AUTS2: variants seen among roughly 807,000 people sequenced by gnomAD.
AUTS2 encodes activator of transcription and developmental regulator AUTS2, also known as autism susceptibility gene 2 protein.
In AUTS2, 17 loss-of-function variants were observed where a neutral mutation model predicts 112.4. That is an observed-to-expected ratio of 0.15 (90% CI 0.10 to 0.23). The LOEUF (loss-of-function observed/expected upper bound fraction) is 0.23, where lower values mean the gene tolerates loss of function less well. Among genes scored for constraint, AUTS2 ranks in the 10% least tolerant of loss-of-function variants. The pLI, the probability that AUTS2 is intolerant of heterozygous loss-of-function variation, is 1.00. For missense variants in AUTS2, 1,510 were observed against 1,701.6 expected, an observed-to-expected ratio of 0.89 and a Z score of 1.98; for synonymous variants, 751 against 702.7, an observed-to-expected ratio of 1.07 and a Z score of -1.09.
chr7:70,043,690 A>T (rs771493661), intron 2 of AUTS2, among the ~76,000 whole-genome samples: 4 of 146,248 alleles, frequency 2.7e-5, no homozygotes, highest in African/African-American at 5.1e-5. Flanking sequence ...GCTTACCACA[A>T]CCTCCACCTC....
chr7:70,764,830 C>T lies in AUTS2; in HGVS notation c.1293C>T (p.Phe431=). The change falls in exon 8 of 19, where the codon TTC becomes TTT. Residue 431 remains phenylalanine, a synonymous_variant. Transcript: ENST00000342771. ...CCCACCACCCCTCTGCCTCCCCGTT[C>T]CCCCTCTCCCTGCCCAACCACAGCC... ...HISHHPSASP[F]PLSLPNHSPL... 1 of 515,996 alleles carries T rather than the reference C, an allele frequency of 1.9e-6. No homozygotes were observed. Among genetic ancestry groups the T allele is most frequent in the Non-Finnish European group, 3.4e-6 (1 of 291,370 alleles). The allele number at this position is 515,996 out of a possible 1,614,324, so 32.0% of individuals were successfully genotyped here.
rs1390354266 is a variant in AUTS2 at position 69,721,782 on chromosome 7, ATCT to A, written c.309+121824_309+121826del. ...TGTTCTGTGGTGGAGACAAGGAATG[ATCT>A]TCTAGGCTATCAAAGCAGGGTGAGT... On this transcript the variant is annotated intron_variant, in intron 1 of 18. Transcript: ENST00000342771. 2.0e-5 allele frequency among the ~76,000 whole-genome samples: 3 copies of A among 152,332 alleles called. No individual in the cohort carries two copies. In the East Asian group the frequency reaches 5.8e-4, roughly 29 times the overall value.
At chr7:70,461,408 C>T (rs1312282627) in intron 5 of AUTS2, among the ~76,000 whole-genome samples, 1 of 152,130 alleles carries the variant, frequency 6.6e-6, no homozygotes, top group African/African-American at 2.4e-5. Context: ...CAATTATGTA[C>T]CACTGTGAGC....
At chr7:70,411,970 A>G (rs1015430669) in intron 4 of AUTS2, among the ~76,000 whole-genome samples, 2 of 133,828 alleles carry the variant, frequency 1.5e-5, no homozygotes, top group Non-Finnish European at 3.0e-5. Context: ...ATCTCAGCTC[A>G]CTGCACCTCC....
chr7:70,573,549 C>G (rs544399391), intron 5 of AUTS2, among the ~76,000 whole-genome samples: 1 of 152,252 alleles, frequency 6.6e-6, no homozygotes, highest in African/African-American at 2.4e-5. Context: ...GCAAAGCAGA[C>G]GCAACATTGT....
At chr7:69,729,416 A>ACCC (rs1786677942) in intron 1 of AUTS2, among the ~76,000 whole-genome samples, 1 of 32,812 alleles carries the variant, frequency 3.0e-5, no homozygotes, top group South Asian at 1.3e-3. Context: ...AATGTCCCCC[A>ACCC]ACACCCCCCC....
chr7:69,978,665 C>T (rs997096350), intron 2 of AUTS2, among the ~76,000 whole-genome samples: 1 of 151,874 alleles, frequency 6.6e-6, no homozygotes, highest in African/African-American at 2.4e-5. Context: ...ATGGTGAAAC[C>T]CTGTCTTTAT....
At chr7:69,881,132 C>A (rs1794023515) in intron 1 of AUTS2, among the ~76,000 whole-genome samples, 3 of 152,174 alleles carry the variant, frequency 2.0e-5, no homozygotes, top group Admixed American at 1.3e-4. Flanking sequence ...TTACAGCACT[C>A]TATAAATTAT....
chr7:70,713,871 G>A (rs1810201852), intron 6 of AUTS2, among the ~76,000 whole-genome samples: 1 of 149,510 alleles, frequency 6.7e-6, no homozygotes, highest in South Asian at 2.2e-4. Context: ...ACTCCAGCCT[G>A]GGCGACAGAA....
intron 2 of AUTS2, among the ~76,000 whole-genome samples, chr7:70,084,754 C>T (rs1182640552): frequency 6.6e-6 from 1 of 152,092 alleles, no homozygotes; most frequent in East Asian, 1.9e-4. Context: ...GTTCTTTATT[C>T]TGTATACAAG....
intron 4 of AUTS2, among the ~76,000 whole-genome samples, chr7:70,194,065 G>A (rs1383474014): frequency 5.3e-5 from 8 of 152,172 alleles, no homozygotes; most frequent in Admixed American, 5.2e-4. Flanking sequence ...ACCATCTCTT[G>A]GATCTGGAAA....
chr7:70,471,584 C>T (rs1033315690), intron 5 of AUTS2, among the ~76,000 whole-genome samples: 9 of 151,992 alleles, frequency 5.9e-5, no homozygotes, highest in Non-Finnish European at 1.3e-4. Flanking sequence ...CTATTATAGG[C>T]GCTGGGGATA....
chr7:70,414,737 G>A (rs367799155), intron 4 of AUTS2, among the ~76,000 whole-genome samples: 61 of 152,290 alleles, frequency 4.0e-4, no homozygotes, highest in African/African-American at 1.3e-3. Context: ...TCCCATCGCC[G>A]TCTCAGGCTT....
intron 1 of AUTS2, among the ~76,000 whole-genome samples, chr7:69,855,132 C>G (rs560264204): frequency 4.6e-5 from 7 of 152,246 alleles, no homozygotes; most frequent in African/African-American, 1.7e-4. Flanking sequence ...AGGGTCTTGT[C>G]TATAAATTAA....
At chr7:69,786,714 A>G (rs1463675125) in intron 1 of AUTS2, among the ~76,000 whole-genome samples, 1 of 152,192 alleles carries the variant, frequency 6.6e-6, no homozygotes, top group Non-Finnish European at 1.5e-5. Flanking sequence ...TCGGCCTCCC[A>G]AAGTGCTGGG....
intron 2 of AUTS2, among the ~76,000 whole-genome samples, chr7:70,090,489 G>C (rs545907371): frequency 2.0e-5 from 3 of 151,768 alleles, no homozygotes; most frequent in Non-Finnish European, 4.4e-5. Flanking sequence ...TCAGCCTCCC[G>C]ACTGGCTGGG....
At chr7:70,591,692 C>T (rs1802956931) in intron 5 of AUTS2, among the ~76,000 whole-genome samples, 1 of 152,198 alleles carries the variant, frequency 6.6e-6, no homozygotes, top group African/African-American at 2.4e-5. Context: ...AGCCACCCCG[C>T]CTGCCCCGAC....
chr7:70,555,110 A>G (rs1046781986), intron 5 of AUTS2, among the ~76,000 whole-genome samples: 8 of 152,210 alleles, frequency 5.3e-5, no homozygotes, highest in Admixed American at 4.6e-4. Flanking sequence ...ATTTACTATG[A>G]AAGATACTAG....
At chr7:70,180,757 G>A (rs1012201640) in intron 4 of AUTS2, among the ~76,000 whole-genome samples, 3 of 152,082 alleles carry the variant, frequency 2.0e-5, no homozygotes, top group African/African-American at 7.2e-5. Flanking sequence ...GTATTTTCAG[G>A]TCTAACATGT....
Sources: allele counts gnomAD v4.1 joint callset (sites outside exome capture counted in the v4.1 genomes callset), GRCh38; gene constraint gnomAD v4.1.1; transcripts MANE v1.5; gene names NCBI Gene and HGNC (gene_info 2026-07-23, HGNC 2026-07-21).